Variants in CCDC138 observed in about 807,000 individuals in gnomAD.
CCDC138 encodes coiled-coil domain-containing protein 138.
A neutral mutation model predicts 82.3 loss-of-function variants in CCDC138; 66 were observed. The observed-to-expected ratio is 0.80, with a 90% CI of 0.66 to 0.98. The LOEUF is 0.98. Among genes scored for constraint, CCDC138 ranks in the 50% least tolerant of loss-of-function variants. The pLI, the probability that CCDC138 is intolerant of heterozygous loss-of-function variation, is 0.00. For missense variants in CCDC138, 816 were observed against 758.9 expected (o/e 1.08, Z -0.88); for synonymous variants, 297 against 265.4 (o/e 1.12, Z -1.16).
intron 13 of CCDC138, among the ~76,000 whole-genome samples, chr2:108,866,807 C>T (rs1456917999): frequency 1.8e-4 from 28 of 151,672 alleles, no homozygotes; most frequent in Admixed American, 1.7e-3. Context: ...TGCTTGAACC[C>T]GGGAGGTGGA....
chr2:108,858,758 A>T (rs1352900564), intron 13 of CCDC138, among the ~76,000 whole-genome samples: 2 of 150,112 alleles, frequency 1.3e-5, no homozygotes, highest in South Asian at 4.2e-4. Flanking sequence ...ACATGGATTT[A>T]TTGTGTGATG....
intron 5 of CCDC138, among the ~76,000 whole-genome samples, chr2:108,796,814 G>A (rs185342007): frequency 5.0e-4 from 76 of 152,256 alleles, no homozygotes; most frequent in African/African-American, 1.8e-3. Flanking sequence ...GTTACCAGAG[G>A]CTGGGAGGGG....
chr2:108,800,766 A>G (rs1681809794), intron 6 of CCDC138, among the ~76,000 whole-genome samples: 2 of 115,850 alleles, frequency 1.7e-5, no homozygotes. Flanking sequence ...TCCCAATGCT[A>G]TCCCTCCCCA....
chr2:108,786,835 G>T lies in CCDC138; in HGVS notation c.13G>T (p.Val5Phe). 6.3e-7 allele frequency: 1 copy of T among 1,592,236 alleles called. No homozygotes were observed. The highest frequency in any genetic ancestry group is 1.1e-5 in the South Asian group (1 of 87,400). ...GTTGCTGTGTGCTATGGAGCCGAGG[G>T]TCGTCAAGCCACCGGGGCAGGATTT... MEPR[V>F]VKPPGQDLVV... is the part of the protein sequence containing the mutation. Residue 5 changes from valine (V) to phenylalanine (F), a missense_variant, in exon 1 of 15, where the codon GTC (valine) becomes TTC (phenylalanine). Physicochemically the swap from Val to Phe is conservative, Grantham distance 50 (BLOSUM62 -1). Transcript: ENST00000295124.
At chr2:108,870,426 G>A (rs1695050415) in intron 13 of CCDC138, among the ~76,000 whole-genome samples, 1 of 152,140 alleles carries the variant, frequency 6.6e-6, no homozygotes, top group African/African-American at 2.4e-5. Flanking sequence ...AAAAGAGAAA[G>A]GGTGGAAAGA....
At chr2:108,859,309 G>A (rs1693176280) in intron 13 of CCDC138, among the ~76,000 whole-genome samples, 1 of 152,098 alleles carries the variant, frequency 6.6e-6, no homozygotes, top group African/African-American at 2.4e-5. Flanking sequence ...TCCTTTGTTG[G>A]ATGCAGAATT....
chr2:108,820,524 C>A (rs538206469), intron 10 of CCDC138, among the ~76,000 whole-genome samples: 1 of 151,990 alleles, frequency 6.6e-6, no homozygotes, highest in South Asian at 2.1e-4. Context: ...TCTAAAGACA[C>A]CCCCTCTAAC....
downstream of CCDC138, among the ~76,000 whole-genome samples, chr2:108,877,314 C>A (rs1231464180): frequency 1.4e-5 from 2 of 138,584 alleles, no homozygotes; most frequent in Admixed American, 7.4e-5. Flanking sequence ...CAAAAAAAAA[C>A]AGAATTAGCC....
At chr2:108,867,315 A>G (rs952800384) in intron 13 of CCDC138, among the ~76,000 whole-genome samples, 6 of 152,220 alleles carry the variant, frequency 3.9e-5, no homozygotes, top group African/African-American at 1.4e-4. Context: ...CAGAGTGGGA[A>G]TTACTGGCAG....
chr2:108,828,527 A>G (rs1574101679), intron 10 of CCDC138, among the ~76,000 whole-genome samples: 1 of 152,236 alleles, frequency 6.6e-6, no homozygotes, highest in South Asian at 2.1e-4. Context: ...GATAGAATGG[A>G]GAGCCCAATA....
intron 13 of CCDC138, among the ~76,000 whole-genome samples, chr2:108,864,655 G>A (rs568945947): frequency 3.0e-4 from 46 of 152,240 alleles, no homozygotes; most frequent in African/African-American, 7.2e-4. Flanking sequence ...AAAGCCAGGC[G>A]TGGTGGCCCA....
chr2:108,872,345 A>G (rs1339838374), intron 13 of CCDC138, among the ~76,000 whole-genome samples: 1 of 152,086 alleles, frequency 6.6e-6, no homozygotes, highest in Non-Finnish European at 1.5e-5. Context: ...TTCCACCACC[A>G]CATACACATA....
At chr2:108,843,925 C>G (rs1364884924) in intron 11 of CCDC138, among the ~76,000 whole-genome samples, 1 of 113,950 alleles carries the variant, frequency 8.8e-6, no homozygotes, top group Non-Finnish European at 1.7e-5. Context: ...GGGTCTTGCT[C>G]TGTTGCCCAG....
In CCDC138 at chr2:108,873,491, A is replaced by G. The variant is rs781719277; in HGVS notation, c.1734A>G (p.Leu578=). 5 of 1,607,328 alleles carry G rather than the reference A, an allele frequency of 3.1e-6. No individual in the cohort carries two copies. The highest frequency in any genetic ancestry group is 1.3e-5 in the African/African-American group (1 of 74,708). ...QPFLEACSNS[L]FFRTCSVLLR... is the part of the protein sequence containing the mutation. ...TCCTGGAAGCCTGTAGCAACTCTTT[A>G]TTTTTTCGTACTTGCTCTGTGCTGC... Residue 578 remains leucine, a synonymous_variant, in exon 14 of 15, where the codon TTA becomes TTG. Transcript: ENST00000295124.
At chr2:108,884,375 A>G (rs987395245) in intron 2 of CCDC138, 2 of 152,202 alleles carry the variant, frequency 1.3e-5, no homozygotes, top group Admixed American at 6.5e-5. Flanking sequence ...GTGTAATTCC[A>G]CAAGGCACAG....
chr2:108,882,204 G>C (rs1198263465), intron 1 of CCDC138: 2 of 151,498 alleles, frequency 1.3e-5, no homozygotes, highest in East Asian at 3.9e-4. Flanking sequence ...CACCATGACA[G>C]ATATAATAAC....
At chr2:108,837,149 A>G (rs1688709275) in intron 10 of CCDC138, among the ~76,000 whole-genome samples, 1 of 151,994 alleles carries the variant, frequency 6.6e-6, no homozygotes, top group African/African-American at 2.4e-5. Flanking sequence ...TCATTCTTTT[A>G]CCTTCAGAGT....
chr2:108,791,495 T>C, intron 3 of CCDC138, 180 bp from the exon 4 acceptor site: 2 of 662,262 alleles, frequency 3.0e-6, no homozygotes, highest in Non-Finnish European at 5.4e-6. Context: ...TAGTGGGTTA[T>C]CAATGATCAG....
intron 3 of CCDC138, among the ~76,000 whole-genome samples, chr2:108,790,286 ATTAT>A (rs1406755723): frequency 1.3e-5 from 2 of 152,160 alleles, no homozygotes; most frequent in East Asian, 3.8e-4. Flanking sequence ...ATTTATGGAA[ATTAT>A]TTTCTTTTTA....
Sources: allele counts gnomAD v4.1 joint callset (sites outside exome capture counted in the v4.1 genomes callset), GRCh38; gene constraint gnomAD v4.1.1; transcripts MANE v1.5; gene names NCBI Gene and HGNC (gene_info 2026-07-23, HGNC 2026-07-21).